ACOT9: variants seen among roughly 807,000 people sequenced by gnomAD.
The protein encoded by ACOT9 is acyl-coenzyme A thioesterase 9, mitochondrial.
Under a neutral mutation model 39.7 loss-of-function variants are expected in ACOT9, and 34 were observed. The observed-to-expected ratio is 0.86, with a 90% CI of 0.65 to 1.14. The LOEUF (loss-of-function observed/expected upper bound fraction) is 1.14, where lower values mean the gene tolerates loss of function less well. Among genes scored for constraint, ACOT9 ranks in the 50% most tolerant of loss-of-function variants. The pLI, the probability that ACOT9 is intolerant of heterozygous loss-of-function variation, is 0.00. For missense variants in ACOT9, 313 were observed against 344.1 expected (o/e 0.91, Z 0.71); for synonymous variants, 110 against 120.5 (o/e 0.91, Z 0.57).
intron 6 of ACOT9, among the ~76,000 whole-genome samples, chrX:23,723,630 T>G (rs1424854147): frequency 1.9e-5 from 2 of 106,040 alleles, no homozygotes; most frequent in Non-Finnish European, 3.9e-5. Flanking sequence ...AAAAGTTGTA[T>G]GATTATATGT....
intron 1 of ACOT9, among the ~76,000 whole-genome samples, chrX:23,742,207 AGT>A (rs1247145829): frequency 4.3e-5 from 2 of 46,161 alleles, no homozygotes; most frequent in Non-Finnish European, 6.5e-5. Context: ...AGGAACAGTG[AGT>A]GAGTGAGAGA....
Position 23,734,682 on chromosome X carries a change from A to C in ACOT9, c.119-315T>G, listed in dbSNP as rs181190281. ...TAAATGTTAGAGAACTGCAAACAACAACCATTAGTAACTTAGTCTTATTTC... is the reference window on the plus strand; with the variant it reads ...TAAATGTTAGAGAACTGCAAACAACCACCATTAGTAACTTAGTCTTATTTC... On this transcript the variant is annotated intron_variant, in intron 2 of 15. Transcript: ENST00000379303. Among the ~76,000 whole-genome samples, 8 of 111,635 alleles carry C rather than the reference A, an allele frequency of 7.2e-5. No homozygotes were observed. The East Asian group carries it at 2.2e-3, about 31-fold the overall frequency.
In ACOT9 at chrX:23,736,001, G is replaced by A; in HGVS notation, c.36C>T (p.Gly12=). Residue 12 remains glycine (G), a synonymous_variant, in exon 2 of 16, where the codon GGC becomes GGT. Transcript: ENST00000379303. ...RRAALRLCAL[G]KGQLTPGRGL... is the part of the protein sequence containing the mutation. ...CTCTTCCAGGAGTAAGCTGCCCTTT[G>A]CCCAAGGCACAAAGCCTATAAAACA... 1.7e-6 allele frequency: 2 copies of A among 1,208,213 alleles called. No homozygotes were observed. Among genetic ancestry groups the A allele is most frequent in the Non-Finnish European group, 2.2e-6 (2 of 893,830 alleles).
intron 1 of ACOT9, among the ~76,000 whole-genome samples, chrX:23,742,494 T>C (rs1401250487): frequency 1.8e-5 from 2 of 110,632 alleles, no homozygotes; most frequent in Admixed American, 1.9e-4. Flanking sequence ...CTGTGCCAGC[T>C]GGGAAGATTA....
intron 7 of ACOT9, 57 bp downstream of exon 7, chrX:23,722,613 A>G (rs1929359597): frequency 2.2e-6 from 2 of 898,412 alleles, no homozygotes; most frequent in African/African-American, 2.0e-5. Flanking sequence ...TGTAATCTCA[A>G]TAATATCTTG....
chrX:23,727,373 T>TGTGCAATCAA (rs1929570146), intron 6 of ACOT9, among the ~76,000 whole-genome samples: 1 of 111,187 alleles, frequency 9.0e-6, no homozygotes, highest in Non-Finnish European at 1.9e-5. Flanking sequence ...TCAATCAGGC[T>TGTGCAATCAA]GTAGTGCAGT....
chrX:23,740,717 T>C (rs867585996), intron 1 of ACOT9, among the ~76,000 whole-genome samples: 13 of 92,095 alleles, frequency 1.4e-4, no homozygotes, highest in Non-Finnish European at 2.4e-4. Flanking sequence ...CCCCAATACA[T>C]ACACACACAC....
At chrX:23,716,263 A>T (rs1175032742) in intron 8 of ACOT9, among the ~76,000 whole-genome samples, 1 of 111,968 alleles carries the variant, frequency 8.9e-6, no homozygotes, top group Non-Finnish European at 1.9e-5. Context: ...ATACTCATTC[A>T]CTCACTCCCA....
At position 23,730,920 on chromosome X, in the gene ACOT9, T is replaced by C. The variant is rs746692206; in HGVS notation, c.258A>G (p.Gly86=). 4.7e-5 allele frequency: 57 copies of C among 1,209,425 alleles called. No homozygotes were observed. The highest frequency in any genetic ancestry group is 6.0e-5 in the Non-Finnish European group (54 of 894,265). ...LHSFLAKSQD[G]LPPRRMKDSY... Reference sequence around the variant, plus strand: ...TGTCCTTCATTCTCCTAGGAGGCAGTCCATCCTGTGATTTAGCCAAGAAAC... The same window carrying C: ...TGTCCTTCATTCTCCTAGGAGGCAGCCCATCCTGTGATTTAGCCAAGAAAC... The change falls in exon 5 of 16, where the codon GGA becomes GGG. Residue 86 remains glycine (G), a synonymous_variant. Coordinates refer to ENST00000379303, the MANE Select transcript of ACOT9 (RefSeq NM_001037171.2).
In ACOT9 at chrX:23,743,249, G is replaced by A. The variant is rs1274670167; in HGVS notation, c.-105C>T. On this transcript the variant is annotated 5_prime_UTR_variant, in exon 1 of 16. Transcript: ENST00000379303. ...CGCACGAGTACCAGACCGCGCCCTT[G>A]CTGAGGACAGCCCGGGAGCCGGACA... 1 of 995,013 alleles carries A rather than the reference G, an allele frequency of 1.0e-6. No homozygotes were observed. Among genetic ancestry groups the A allele is most frequent in the Non-Finnish European group, 1.3e-6 (1 of 751,551 alleles). The allele number at this position is 995,013 out of a possible 1,213,427, so 82.0% of individuals were successfully genotyped here.
rs1174885687 is a variant in ACOT9 at position 23,703,758 on chromosome X, C to A, written c.*136G>T. On this transcript the variant is annotated 3_prime_UTR_variant, in exon 16 of 16. Coordinates refer to ENST00000379303, the MANE Select transcript of ACOT9 (RefSeq NM_001037171.2). Reference sequence around the variant, plus strand: ...CACTCTCTCTTTCTGCTTTTCTGATCATCCTAAAGGCTGAATACATCCTCC... The same window carrying A: ...CACTCTCTCTTTCTGCTTTTCTGATAATCCTAAAGGCTGAATACATCCTCC... The A allele has an allele frequency of 4.4e-6, 2 of 449,891 alleles. No homozygotes were observed. Among genetic ancestry groups the A allele is most frequent in the Non-Finnish European group, 7.6e-6 (2 of 263,536 alleles). 37.1% of individuals were successfully genotyped at this position (449,891 alleles called of 1,213,427 possible).
At chrX:23,731,304 C>T (rs1317303421) in intron 4 of ACOT9, among the ~76,000 whole-genome samples, 2 of 110,884 alleles carry the variant, frequency 1.8e-5, no homozygotes, top group African/African-American at 3.3e-5. Context: ...GGCAAAACTC[C>T]GTCTCTACTA....
chrX:23,714,534 A>T (rs1483924876), intron 8 of ACOT9, among the ~76,000 whole-genome samples: 1 of 111,779 alleles, frequency 8.9e-6, no homozygotes, highest in Non-Finnish European at 1.9e-5. Flanking sequence ...AAATATTCTG[A>T]AATCAGAAAC....
chrX:23,719,883 C>A lies in ACOT9; in HGVS notation c.588+1998G>T, dbSNP rs1022404775. Among the ~76,000 whole-genome samples the A allele has an allele frequency of 3.6e-5, 4 of 110,020 alleles. No individual in the cohort carries two copies. In the South Asian group the frequency reaches 1.2e-3, roughly 32 times the overall value. ...ACGGAGTCTCGCTCTGTCGCCCAGG[C>A]TGGAGAGCAGTGGTGTGATCTCGGC... is the stretch of plus-strand genomic sequence containing the variant. On this transcript the variant is annotated intron_variant, in intron 8 of 15. Transcript: ENST00000379303.
chrX:23,727,322 A>G (rs1351689591), intron 6 of ACOT9, among the ~76,000 whole-genome samples: 1 of 111,387 alleles, frequency 9.0e-6, no homozygotes, highest in Non-Finnish European at 1.9e-5. Context: ...GGGTAGTGGC[A>G]GGGGAGTTTG....
intron 8 of ACOT9, among the ~76,000 whole-genome samples, chrX:23,720,531 T>A (rs1929282691): frequency 9.0e-6 from 1 of 111,337 alleles, no homozygotes; most frequent in Admixed American, 9.7e-5. Flanking sequence ...CACCATGTGA[T>A]GACGGAGGCA....
intron 7 of ACOT9, among the ~76,000 whole-genome samples, chrX:23,722,347 T>C (rs1929347008): frequency 9.0e-6 from 1 of 111,363 alleles, no homozygotes; most frequent in African/African-American, 3.3e-5. Flanking sequence ...GTGGATCACC[T>C]GAGGTCAGGA....
At chrX:23,710,172 T>C (rs2146819278) in intron 9 of ACOT9, among the ~76,000 whole-genome samples, 1 of 112,625 alleles carries the variant, frequency 8.9e-6, no homozygotes, top group South Asian at 3.7e-4. Context: ...ATTACAGGCG[T>C]GAGCCACCAC....
At chrX:23,710,537 A>G (rs772263634) in intron 9 of ACOT9, among the ~76,000 whole-genome samples, 1 of 112,200 alleles carries the variant, frequency 8.9e-6, no homozygotes, top group African/African-American at 3.2e-5. Flanking sequence ...AATACATGTA[A>G]TATATTACAA....
Sources: gnomAD v4.1 joint callset for allele counts (sites outside exome capture counted in the v4.1 genomes callset) on GRCh38, gnomAD v4.1.1 for gene constraint, MANE v1.5 for transcripts, NCBI Gene and HGNC (gene_info 2026-07-23, HGNC 2026-07-21) for gene names.